Variants in TANGO6 observed in about 807,000 individuals in gnomAD.
TANGO6 encodes transport and Golgi organization protein 6 homolog.
A neutral mutation model predicts 114.2 loss-of-function variants in TANGO6; 90 were observed. The observed-to-expected ratio is 0.79, with a 90% CI of 0.66 to 0.94. The LOEUF (loss-of-function observed/expected upper bound fraction) is 0.94. Ranked by LOEUF, TANGO6 falls within the 40% of genes least tolerant of loss-of-function variation. The pLI is 0.00. For missense variants in TANGO6, 1,274 were observed against 1,315.3 expected, an observed-to-expected ratio of 0.97 and a Z score of 0.49; for synonymous variants, 477 against 509.8, an observed-to-expected ratio of 0.94 and a Z score of 0.87.
At chr16:68,984,355 G>A (rs2152216103) in intron 15 of TANGO6, among the ~76,000 whole-genome samples, 1 of 152,190 alleles carries the variant, frequency 6.6e-6, no homozygotes, top group South Asian at 2.1e-4. Context: ...ATACTAATAT[G>A]GCCAGAATTG....
chr16:69,022,031 G>A (rs758876090), intron 15 of TANGO6, among the ~76,000 whole-genome samples: 8 of 151,400 alleles, frequency 5.3e-5, no homozygotes, highest in African/African-American at 1.5e-4. Context: ...GACTACAGGC[G>A]CCCGCCACCA....
At chr16:68,978,010 T>G (rs1476833830) in intron 15 of TANGO6, among the ~76,000 whole-genome samples, 1 of 152,092 alleles carries the variant, frequency 6.6e-6, no homozygotes, top group African/African-American at 2.4e-5. Context: ...AAAATACATT[T>G]TTTTCTAAGA....
intron 16 of TANGO6, among the ~76,000 whole-genome samples, chr16:69,031,249 A>G (rs1168666948): frequency 6.6e-6 from 1 of 151,996 alleles, no homozygotes; most frequent in Non-Finnish European, 1.5e-5. Context: ...TGTGAGCACA[A>G]CAAGGGCAGA....
At chr16:68,959,326 C>T (rs760524469) in intron 14 of TANGO6, among the ~76,000 whole-genome samples, 2 of 152,116 alleles carry the variant, frequency 1.3e-5, no homozygotes, top group Non-Finnish European at 2.9e-5. Context: ...CGGTGGCTCA[C>T]GACTGTAATC....
chr16:68,879,833 G>A (rs979439007), intron 6 of TANGO6, among the ~76,000 whole-genome samples: 1 of 151,470 alleles, frequency 6.6e-6, no homozygotes, highest in South Asian at 2.1e-4. Context: ...AGCCAGGATG[G>A]TCTCAGTCTC....
At chr16:69,030,774 G>A (rs901348598) in intron 16 of TANGO6, among the ~76,000 whole-genome samples, 1 of 152,036 alleles carries the variant, frequency 6.6e-6, no homozygotes, top group African/African-American at 2.4e-5. Flanking sequence ...GGTGAGGGCC[G>A]GGCGCGGTGG....
intron 15 of TANGO6, among the ~76,000 whole-genome samples, chr16:69,000,601 C>CT (rs975044599): frequency 9.0e-5 from 13 of 144,092 alleles, no homozygotes; most frequent in Non-Finnish European, 1.8e-4. Context: ...TTTTTTTTTT[C>CT]TTTTTTTTGA....
intron 15 of TANGO6, among the ~76,000 whole-genome samples, chr16:69,004,058 C>T (rs1964068871): frequency 6.6e-6 from 1 of 151,728 alleles, no homozygotes; most frequent in Non-Finnish European, 1.5e-5. Context: ...GCACATTTTA[C>T]ATACAGAATT....
At chr16:69,036,042 CAAAAA>C (rs977745987) in intron 16 of TANGO6, 3 of 56,644 alleles carry the variant, frequency 5.3e-5, no homozygotes, top group Non-Finnish European at 7.6e-5. Context: ...GACTCTGCCT[CAAAAA>C]AAAAAAAAAA....
intron 3 of TANGO6, among the ~76,000 whole-genome samples, chr16:68,863,873 TA>T (rs1962137516): frequency 6.6e-6 from 1 of 152,058 alleles, no homozygotes; most frequent in Non-Finnish European, 1.5e-5. Flanking sequence ...TTTGTTTTCT[TA>T]AAAATAATGT....
At chr16:68,914,958 T>TACACACACACACACAC (rs3061679) in intron 11 of TANGO6, among the ~76,000 whole-genome samples, 22 of 135,288 alleles carry the variant, frequency 1.6e-4, no homozygotes, top group African/African-American at 5.8e-4. Context: ...TTTTGATATC[T>TACACACACACACACAC]ACACACACAC....
intron 15 of TANGO6, among the ~76,000 whole-genome samples, chr16:68,999,742 A>G (rs1964022688): frequency 6.6e-6 from 1 of 152,240 alleles, no homozygotes; most frequent in Non-Finnish European, 1.5e-5. Context: ...CTGAAAAACA[A>G]AACAGAAAGG....
At chr16:68,921,687 A>T (rs1963097062) in intron 12 of TANGO6, among the ~76,000 whole-genome samples, 1 of 143,378 alleles carries the variant, frequency 7.0e-6, no homozygotes, top group Non-Finnish European at 1.5e-5. Flanking sequence ...AAGATAGATC[A>T]CAAAAATCTC....
intron 14 of TANGO6, among the ~76,000 whole-genome samples, chr16:68,930,842 A>G (rs1179608591): frequency 1.3e-5 from 2 of 151,966 alleles, no homozygotes; most frequent in African/African-American, 2.4e-5. Context: ...TCACCATGTT[A>G]GTCAGGCTGG....
intron 15 of TANGO6, among the ~76,000 whole-genome samples, chr16:69,003,520 G>A (rs1000720223): frequency 2.6e-5 from 4 of 151,902 alleles, no homozygotes; most frequent in African/African-American, 7.3e-5. Context: ...CCTTTTCAAG[G>A]GAAAAGAAAA....
chr16:69,070,678 A>G (rs1177152978), intron 17 of TANGO6, among the ~76,000 whole-genome samples: 1 of 149,284 alleles, frequency 6.7e-6, no homozygotes, highest in African/African-American at 2.4e-5. Flanking sequence ...TCTTGGGGAG[A>G]TGTGCTCTGC....
intron 15 of TANGO6, among the ~76,000 whole-genome samples, chr16:68,979,509 C>A (rs551894427): frequency 5.3e-5 from 8 of 152,066 alleles, no homozygotes; most frequent in Non-Finnish European, 1.0e-4. Flanking sequence ...GGATTACAGG[C>A]GTGAGCCACT....
At chr16:69,057,585 T>C (rs747618599) in intron 17 of TANGO6, among the ~76,000 whole-genome samples, 4 of 152,168 alleles carry the variant, frequency 2.6e-5, no homozygotes, top group Non-Finnish European at 4.4e-5. Context: ...CCATTTTCTA[T>C]GTCCCTGTCA....
At chr16:69,032,245 GT>G (rs1454401174) in intron 16 of TANGO6, among the ~76,000 whole-genome samples, 2 of 151,950 alleles carry the variant, frequency 1.3e-5, no homozygotes, top group Non-Finnish European at 2.9e-5. Context: ...AACTTCATTC[GT>G]TCATTCATTC....
Sources: gnomAD v4.1 joint callset for allele counts (sites outside exome capture counted in the v4.1 genomes callset) on GRCh38, gnomAD v4.1.1 for gene constraint, MANE v1.5 for transcripts, NCBI Gene and HGNC (gene_info 2026-07-23, HGNC 2026-07-21) for gene names.